The following AGMO variants were observed in gnomAD, a reference collection of about 807,000 sequenced individuals.
AGMO encodes alkylglycerol monooxygenase.
In AGMO, 75 loss-of-function variants were observed where a neutral mutation model predicts 60.2. The observed-to-expected ratio is 1.25, with a 90% CI of 1.03 to 1.51. The LOEUF is 1.51. Ranked by LOEUF, AGMO falls within the 40% of genes most tolerant of loss-of-function variation. The probability of loss-of-function intolerance (pLI) is 0.00; values close to 1 mark genes in which losing one functional copy is unlikely to be tolerated. For missense variants in AGMO, 763 were observed against 525.5 expected, an observed-to-expected ratio of 1.45 and a Z score of -4.42; for synonymous variants, 261 against 177.1, an observed-to-expected ratio of 1.47 and a Z score of -3.76.
intron 10 of AGMO, among the ~76,000 whole-genome samples, chr7:15,382,769 G>C (rs757469272): frequency 6.6e-6 from 1 of 151,970 alleles, no homozygotes; most frequent in Non-Finnish European, 1.5e-5. Flanking sequence ...TGTTTTTTTA[G>C]AGCAGAAGAC....
chr7:15,208,040 C>T (rs1051728096), intron 12 of AGMO, among the ~76,000 whole-genome samples: 15 of 152,042 alleles, frequency 9.9e-5, no homozygotes, highest in South Asian at 6.2e-4. Flanking sequence ...ATTATGTCTG[C>T]GATTTATAAA....
At chr7:15,324,932 G>GGA (rs1392108218) in intron 12 of AGMO, among the ~76,000 whole-genome samples, 2 of 151,896 alleles carry the variant, frequency 1.3e-5, no homozygotes, top group Non-Finnish European at 2.9e-5. Flanking sequence ...CCGTGGTTGG[G>GGA]GAGTTGGGGA....
chr7:15,519,984 CAA>C (rs61041008), intron 3 of AGMO, among the ~76,000 whole-genome samples: 401 of 110,744 alleles, frequency 3.6e-3, no homozygotes, highest in East Asian at 0.012. Context: ...AATGGGAAGC[CAA>C]AAAAAAAAAA....
In AGMO at chr7:15,367,795, G is replaced by C. The variant is rs545887370; in HGVS notation, c.1075-1573C>G. Among the ~76,000 whole-genome samples, 120 of 152,188 alleles carry C rather than the reference G, an allele frequency of 7.9e-4. 1 individual carries two copies. Among genetic ancestry groups the C allele is most frequent in the Non-Finnish European group, 1.0e-3 (69 of 67,978 alleles). On this transcript the variant is annotated intron_variant, in intron 10 of 12. Coordinates refer to ENST00000342526, the MANE Select transcript of AGMO (RefSeq NM_001004320.2). ...GAAAACCCAGAGGTGTGATACAACA[G>C]ATTGGCTAAAATAGTGCCCAAAACA...
chr7:15,202,483 A>AAAAAAAAAAAAAAAAAAAAAAAAAAT (rs1781321606), intron 12 of AGMO, among the ~76,000 whole-genome samples: 1 of 129,924 alleles, frequency 7.7e-6, no homozygotes, highest in Non-Finnish European at 1.6e-5. Flanking sequence ...AAAAAAAAAA[A>AAAAAAAAAAAAAAAAAAAAAAAAAAT]AAAAAACCCT....
intron 3 of AGMO, among the ~76,000 whole-genome samples, chr7:15,454,176 A>G (rs1453584158): frequency 6.6e-6 from 1 of 151,928 alleles, no homozygotes; most frequent in Non-Finnish European, 1.5e-5. Context: ...AGAAAATTTG[A>G]AAAGTTTAAA....
the AGMO span, among the ~76,000 whole-genome samples, chr7:15,144,726 A>C: frequency 2.0e-5 from 3 of 152,208 alleles, no homozygotes; most frequent in Non-Finnish European, 4.4e-5. Flanking sequence ...ATCACCATTT[A>C]AATGTTAAGA....
chr7:15,264,108 AAAGAG>A (rs1304948672), intron 12 of AGMO, among the ~76,000 whole-genome samples: 1 of 151,936 alleles, frequency 6.6e-6, no homozygotes, highest in African/African-American at 2.4e-5. Flanking sequence ...AAATATTAGA[AAAGAG>A]AAGAAAGCAA....
intron 12 of AGMO, among the ~76,000 whole-genome samples, chr7:15,336,461 C>G (rs1781664239): frequency 6.6e-6 from 1 of 151,932 alleles, no homozygotes; most frequent in Non-Finnish European, 1.5e-5. Context: ...TCAGCATACC[C>G]ACTTGTTATT....
intron 12 of AGMO, among the ~76,000 whole-genome samples, chr7:15,289,403 C>G (rs538237870): frequency 6.6e-6 from 1 of 151,910 alleles, no homozygotes; most frequent in Admixed American, 6.6e-5. Context: ...TTTTTAAAAA[C>G]AATATTTAAT....
chr7:15,288,693 C>T (rs766634692), intron 12 of AGMO, among the ~76,000 whole-genome samples: 1 of 151,164 alleles, frequency 6.6e-6, no homozygotes, highest in Non-Finnish European at 1.5e-5. Flanking sequence ...ATTTTAATCA[C>T]CACTTGTACA....
chr7:15,250,703 G>A (rs1352040220), intron 12 of AGMO, among the ~76,000 whole-genome samples: 1 of 152,148 alleles, frequency 6.6e-6, no homozygotes, highest in Non-Finnish European at 1.5e-5. Context: ...ACTTTGGGAA[G>A]CTGAGGCAGG....
At chr7:15,294,880 G>A (rs943243404) in intron 12 of AGMO, among the ~76,000 whole-genome samples, 2 of 151,856 alleles carry the variant, frequency 1.3e-5, no homozygotes, top group Non-Finnish European at 2.9e-5. Flanking sequence ...GAAATTTATC[G>A]AAAAGTGATA....
intron 12 of AGMO, among the ~76,000 whole-genome samples, chr7:15,318,418 G>T (rs945155384): frequency 1.3e-5 from 2 of 152,086 alleles, no homozygotes; most frequent in Non-Finnish European, 2.9e-5. Flanking sequence ...TGAATACAGT[G>T]TATCACTCAA....
At chr7:15,303,401 A>G (rs4461788) in intron 12 of AGMO, among the ~76,000 whole-genome samples, 128,311 of 151,456 alleles carry the variant, frequency 0.85, 54,571 homozygotes, top group African/African-American at 0.93. Context: ...CTAATTGTGT[A>G]TTTGGCATCA....
intron 12 of AGMO, among the ~76,000 whole-genome samples, chr7:15,259,899 CAAAAAAAAA>C (rs71549927): frequency 1.3e-3 from 12 of 9,400 alleles, no homozygotes; most frequent in Non-Finnish European, 5.2e-4. Context: ...ACAAGAACTG[CAAAAAAAAA>C]AAAAAAAAAA....
At chr7:15,318,217 C>G (rs915025777) in intron 12 of AGMO, among the ~76,000 whole-genome samples, 9 of 151,850 alleles carry the variant, frequency 5.9e-5, no homozygotes, top group Non-Finnish European at 1.0e-4. Flanking sequence ...GTTGGCCAGG[C>G]TGGTCTCGAA....
intron 5 of AGMO, among the ~76,000 whole-genome samples, chr7:15,394,662 G>A (rs774694399): frequency 2.0e-5 from 3 of 152,146 alleles, no homozygotes; most frequent in African/African-American, 7.2e-5. Context: ...TACGGGAGCA[G>A]GGTATAACTA....
intron 12 of AGMO, among the ~76,000 whole-genome samples, chr7:15,225,785 A>C (rs1432386688): frequency 6.6e-6 from 1 of 152,010 alleles, no homozygotes; most frequent in Non-Finnish European, 1.5e-5. Context: ...TAGGAAAAAC[A>C]AGCTCAGACA....
Sources: gnomAD v4.1 joint callset for allele counts (sites outside exome capture counted in the v4.1 genomes callset) on GRCh38, gnomAD v4.1.1 for gene constraint, MANE v1.5 for transcripts, NCBI Gene and HGNC (gene_info 2026-07-23, HGNC 2026-07-21) for gene names.